The following VAV3 variants were observed in gnomAD, a reference collection of about 807,000 sequenced individuals.
VAV3 encodes the protein vav guanine nucleotide exchange factor 3.
A neutral mutation model predicts 131.2 loss-of-function variants in VAV3; 94 were observed. That is an observed-to-expected ratio of 0.72 (90% CI 0.61 to 0.85). The LOEUF is 0.85. Among genes scored for constraint, VAV3 ranks in the 40% least tolerant of loss-of-function variants. The pLI, the probability that VAV3 is intolerant of heterozygous loss-of-function variation, is 0.00. For missense variants in VAV3, 939 were observed against 1,002.7 expected (o/e 0.94, Z 0.86); for synonymous variants, 349 against 342.0 (o/e 1.02, Z -0.22).
intron 2 of VAV3, among the ~76,000 whole-genome samples, chr1:107,844,202 A>G (rs1435823742): frequency 6.6e-6 from 1 of 151,866 alleles, no homozygotes; most frequent in Non-Finnish European, 1.5e-5. Flanking sequence ...TTCCTCACCC[A>G]GGAAGTGCAA....
chr1:107,646,107 A>C (rs192691488), intron 19 of VAV3, among the ~76,000 whole-genome samples: 2 of 152,186 alleles, frequency 1.3e-5, no homozygotes, highest in African/African-American at 2.4e-5. Context: ...AAAAAACTCC[A>C]TATTTTCCCT....
intron 25 of VAV3, among the ~76,000 whole-genome samples, chr1:107,593,493 G>A (rs532109925): frequency 2.6e-4 from 39 of 152,134 alleles, no homozygotes; most frequent in South Asian, 2.1e-3. Flanking sequence ...ATCCTCCAAG[G>A]ACTTTTAGAA....
chr1:107,738,685 T>C (rs1662829645), intron 15 of VAV3, among the ~76,000 whole-genome samples: 1 of 152,210 alleles, frequency 6.6e-6, no homozygotes, highest in Non-Finnish European at 1.5e-5. Context: ...TCATTTCTTA[T>C]CAAGAAGCAG....
In VAV3 at chr1:107,960,908, G is replaced by A. The variant is rs561866973; in HGVS notation, c.204+3758C>T. ...TCAAATGGGTTCATAGCACATTATA[G>A]ATAAATATATAAATAATTATATACA... On this transcript the variant is annotated intron_variant, in intron 1 of 26. Transcript: ENST00000370056. Among the ~76,000 whole-genome samples the A allele has an allele frequency of 7.9e-5, 12 of 151,342 alleles. No individual in the cohort carries two copies. The East Asian group carries it at 1.9e-3, about 24-fold the overall frequency.
rs1253574395 is a variant in VAV3, at chr1:107,902,310, T to C, written c.205-27293A>G. ...ATTGAATGTACAATATCTTTTTACATTATCAGTGTAACAGATGGAGATGTA... is the reference window on the plus strand; with the variant it reads ...ATTGAATGTACAATATCTTTTTACACTATCAGTGTAACAGATGGAGATGTA... On this transcript the variant is annotated intron_variant, in intron 1 of 26. Coordinates refer to ENST00000370056, the MANE Select transcript of VAV3 (RefSeq NM_006113.5). Among the ~76,000 whole-genome samples the C allele has an allele frequency of 2.6e-5, 4 of 152,354 alleles. No homozygotes were observed. In the East Asian group the frequency reaches 7.7e-4, roughly 29 times the overall value.
At chr1:107,760,063 C>G (rs1391431761) in intron 10 of VAV3, among the ~76,000 whole-genome samples, 1 of 152,056 alleles carries the variant, frequency 6.6e-6, no homozygotes, top group African/African-American at 2.4e-5. Flanking sequence ...AGCTACAGTT[C>G]AAGAAATTTA....
chr1:107,620,890 T>A (rs4501861), intron 20 of VAV3, among the ~76,000 whole-genome samples: 1 of 151,968 alleles, frequency 6.6e-6, no homozygotes, highest in East Asian at 1.9e-4. Context: ...AAATGGGAAC[T>A]GAAATCATAC....
intron 19 of VAV3, among the ~76,000 whole-genome samples, chr1:107,676,024 G>A (rs548748372): frequency 1.3e-5 from 2 of 152,164 alleles, no homozygotes; most frequent in Non-Finnish European, 2.9e-5. Flanking sequence ...AAAAGGACAA[G>A]GTAGGAGAGG....
At chr1:107,581,583 T>C (rs1440638732) in intron 25 of VAV3, among the ~76,000 whole-genome samples, 3 of 152,240 alleles carry the variant, frequency 2.0e-5, no homozygotes, top group East Asian at 3.8e-4. Context: ...AAATCATTAG[T>C]GGTTATTATT....
At chr1:107,805,413 T>C (rs1338707975) in intron 2 of VAV3, among the ~76,000 whole-genome samples, 1 of 152,178 alleles carries the variant, frequency 6.6e-6, no homozygotes, top group Non-Finnish European at 1.5e-5. Context: ...CACTGATCCT[T>C]TCCTCTGCCT....
At chr1:107,696,169 G>A (rs1659733752) in intron 17 of VAV3, among the ~76,000 whole-genome samples, 1 of 151,968 alleles carries the variant, frequency 6.6e-6, no homozygotes, top group South Asian at 2.1e-4. Context: ...CAATCTGCAG[G>A]GAACCAACAG....
At chr1:107,580,032 C>T (rs549728462) in intron 25 of VAV3, among the ~76,000 whole-genome samples, 28 of 152,196 alleles carry the variant, frequency 1.8e-4, no homozygotes, top group Non-Finnish European at 3.4e-4. Flanking sequence ...CTTTCCTAGC[C>T]CTCTGGTAGG....
chr1:107,701,909 G>A (rs965029453), intron 17 of VAV3, among the ~76,000 whole-genome samples: 3 of 152,156 alleles, frequency 2.0e-5, no homozygotes, highest in African/African-American at 7.2e-5. Flanking sequence ...TCTCTAGGAA[G>A]TTCCAAACTT....
chr1:107,657,989 A>G (rs1294609871), intron 19 of VAV3, among the ~76,000 whole-genome samples: 1 of 152,268 alleles, frequency 6.6e-6, no homozygotes, highest in Non-Finnish European at 1.5e-5. Flanking sequence ...ATTTTGGCAT[A>G]GAATTTATAT....
chr1:107,646,385 C>T (rs1188060603), intron 19 of VAV3, among the ~76,000 whole-genome samples: 1 of 152,042 alleles, frequency 6.6e-6, no homozygotes, highest in East Asian at 1.9e-4. Context: ...AGCTGAGTTA[C>T]AGTGTTGCTC....
In VAV3 at chr1:107,708,996, A is replaced by C. The variant is rs139215279; in HGVS notation, c.1503-3935T>G. Among the ~76,000 whole-genome samples, 393 of 152,186 alleles carry C rather than the reference A, an allele frequency of 2.6e-3. 1 individual carries two copies. The highest frequency in any genetic ancestry group is 8.8e-3 in the African/African-American group (364 of 41,522). ...CCTATTGGTTTTGTTTCTCTAAAGAATCCTAATATAGACACACTAGAAAAT... is the reference window on the plus strand; with the variant it reads ...CCTATTGGTTTTGTTTCTCTAAAGACTCCTAATATAGACACACTAGAAAAT... On this transcript the variant is annotated intron_variant, in intron 15 of 26. Transcript: ENST00000370056.
At chr1:107,695,291 G>T (rs1453027314) in intron 17 of VAV3, among the ~76,000 whole-genome samples, 2 of 152,148 alleles carry the variant, frequency 1.3e-5, no homozygotes, top group Admixed American at 1.3e-4. Context: ...TCAGACGGAA[G>T]ATAATTTTAT....
At chr1:107,792,218 T>C (rs1366486522) in intron 2 of VAV3, among the ~76,000 whole-genome samples, 1 of 152,228 alleles carries the variant, frequency 6.6e-6, no homozygotes, top group Non-Finnish European at 1.5e-5. Flanking sequence ...AAAGCAAGTG[T>C]TGAGTATTTT....
At chr1:107,652,264 T>C (rs902862652) in intron 19 of VAV3, among the ~76,000 whole-genome samples, 4 of 152,096 alleles carry the variant, frequency 2.6e-5, no homozygotes, top group Admixed American at 1.3e-4. Flanking sequence ...AGTTTACAAA[T>C]GCCATGGCAA....
Sources: allele counts gnomAD v4.1 joint callset (sites outside exome capture counted in the v4.1 genomes callset), GRCh38; gene constraint gnomAD v4.1.1; transcripts MANE v1.5; gene names NCBI Gene and HGNC (gene_info 2026-07-23, HGNC 2026-07-21).